Variants in ARHGAP35 observed in about 807,000 individuals in gnomAD.
ARHGAP35 encodes the protein Rho GTPase activating protein 35, also known as rho GTPase-activating protein 35.
Under a neutral mutation model 111.1 loss-of-function variants are expected in ARHGAP35, and 15 were observed. The observed-to-expected ratio is 0.13, with a 90% CI of 0.09 to 0.21. ARHGAP35 has a LOEUF of 0.21. ARHGAP35 is among the 10% of genes least tolerant of loss of function. ARHGAP35 has a pLI of 1.00. For synonymous variants in ARHGAP35, 643 were observed against 710.3 expected, an observed-to-expected ratio of 0.91 and a Z score of 1.51; for missense variants, 1,262 against 1,873.0, an observed-to-expected ratio of 0.67 and a Z score of 6.02.
intron 1 of ARHGAP35, among the ~76,000 whole-genome samples, chr19:46,891,568 A>T (rs1006366264): frequency 2.0e-5 from 3 of 151,926 alleles, no homozygotes; most frequent in East Asian, 1.9e-4. Flanking sequence ...CTGGGACTAC[A>T]GGCTAGCACC....
At chr19:46,915,590 A>G (rs1050777388) in intron 1 of ARHGAP35, among the ~76,000 whole-genome samples, 35 of 152,190 alleles carry the variant, frequency 2.3e-4, no homozygotes, top group African/African-American at 7.5e-4. Flanking sequence ...TTCTTATGCA[A>G]TAGGCTTACA....
intron 2 of ARHGAP35, among the ~76,000 whole-genome samples, chr19:46,935,026 T>A (rs562724081): frequency 6.6e-6 from 1 of 152,328 alleles, no homozygotes; most frequent in South Asian, 2.1e-4. Flanking sequence ...AGACACAGTA[T>A]AGACTCGTTA....
chr19:46,960,599 G>A (rs903744718), intron 3 of ARHGAP35, among the ~76,000 whole-genome samples: 11 of 152,226 alleles, frequency 7.2e-5, no homozygotes, highest in African/African-American at 2.4e-4. Context: ...CAATGAACAC[G>A]TATTTTGTTA....
At chr19:46,891,181 C>T (rs748428338) in intron 1 of ARHGAP35, among the ~76,000 whole-genome samples, 1 of 152,168 alleles carries the variant, frequency 6.6e-6, no homozygotes, top group Non-Finnish European at 1.5e-5. Context: ...CACCCGCCCT[C>T]CAGGACTTCT....
chr19:46,964,728 GGA>G (rs2056503164), intron 3 of ARHGAP35, among the ~76,000 whole-genome samples: 2 of 152,150 alleles, frequency 1.3e-5, no homozygotes, highest in Non-Finnish European at 2.9e-5. Context: ...GTGGCTCATT[GGA>G]GCTTATGGAA....
In ARHGAP35 at chr19:46,994,718, G is replaced by A. The variant is rs540826189; in HGVS notation, c.4037-4586G>A. On this transcript the variant is annotated intron_variant, in intron 5 of 6. Transcript: ENST00000672722. The surrounding 1 kb of genome is among the most constrained non-coding windows in gnomAD (Gnocchi z 5.4). ...CCCCTCTTTCCACTAGACCGTAAGC[G>A]GCAGGGAATTTGGTTTTTGTCCCCT... 1.7e-4 allele frequency among the ~76,000 whole-genome samples: 26 copies of A among 152,248 alleles called. No homozygotes were observed. The highest frequency in any genetic ancestry group is 6.0e-4 in the African/African-American group (25 of 41,536).
intron 3 of ARHGAP35, among the ~76,000 whole-genome samples, chr19:46,968,876 C>G (rs779777299): frequency 6.6e-6 from 1 of 152,092 alleles, no homozygotes; most frequent in African/African-American, 2.4e-5. Flanking sequence ...CATCTCAGGT[C>G]GGGAGTTCAA....
rs1395680901 is a variant in ARHGAP35 at position 46,926,641 on chromosome 19, GACAAA to G, written c.3681+4289_3681+4293del. 6.6e-6 allele frequency among the ~76,000 whole-genome samples: 1 copy of G among 150,952 alleles called. No individual in the cohort carries two copies. Among genetic ancestry groups the G allele is most frequent in the Non-Finnish European group, 1.5e-5 (1 of 67,824 alleles). ...CTTATTTTGGTGCTAAAAAAAAAAA[GACAAA>G]ACAGAATGATAAAGAAAATCTTTCA... is the stretch of plus-strand genomic sequence containing the variant. On this transcript the variant is annotated intron_variant, in intron 2 of 6. Transcript: ENST00000672722. The surrounding 1 kb of genome is among the most constrained non-coding windows in gnomAD (Gnocchi z 4.1).
At chr19:46,930,526 T>C (rs57014433) in intron 2 of ARHGAP35, among the ~76,000 whole-genome samples, 429 of 147,210 alleles carry the variant, frequency 2.9e-3, no homozygotes, top group African/African-American at 0.011. Context: ...CTGTTTTTTA[T>C]TTCCTTTATT....
intron 3 of ARHGAP35, among the ~76,000 whole-genome samples, chr19:46,973,732 A>T (rs1407697194): frequency 6.6e-6 from 1 of 150,686 alleles, no homozygotes; most frequent in Non-Finnish European, 1.5e-5. Flanking sequence ...TTATGTCTGT[A>T]ATCCCAGCAC....
intron 1 of ARHGAP35, among the ~76,000 whole-genome samples, chr19:46,872,525 C>G (rs1157276999): frequency 6.6e-6 from 1 of 151,282 alleles, no homozygotes; most frequent in Non-Finnish European, 1.5e-5. Context: ...ATGGTAAGAT[C>G]TGTTGGACTC....
At chr19:46,916,349 C>CT (rs950197458) in intron 1 of ARHGAP35, among the ~76,000 whole-genome samples, 7 of 140,220 alleles carry the variant, frequency 5.0e-5, no homozygotes, top group South Asian at 2.3e-4. Context: ...ACTGGCAGTG[C>CT]TTTTTTTTGC....
intron 3 of ARHGAP35, among the ~76,000 whole-genome samples, chr19:46,955,630 C>G (rs1187018770): frequency 6.6e-6 from 1 of 152,140 alleles, no homozygotes; most frequent in Non-Finnish European, 1.5e-5. Context: ...TTCCATCACC[C>G]GGGCTGGAGT....
intron 1 of ARHGAP35, among the ~76,000 whole-genome samples, chr19:46,870,788 T>C (rs574460800): frequency 1.3e-5 from 2 of 152,288 alleles, no homozygotes; most frequent in Admixed American, 6.5e-5. Flanking sequence ...TTTGATGTTA[T>C]GTATATACAA....
At position 47,001,154 on chromosome 19, in the gene ARHGAP35, C is replaced by A; in HGVS notation, c.*466C>A. 8.1e-7 allele frequency: 1 copy of A among 1,229,070 alleles called. No individual in the cohort carries two copies. The allele number at this position is 1,229,070 out of a possible 1,614,324, so 76.1% of individuals were successfully genotyped here. On this transcript the variant is annotated 3_prime_UTR_variant, in exon 7 of 7. Coordinates refer to ENST00000672722, the MANE Select transcript of ARHGAP35 (RefSeq NM_004491.5). This position sits in a 1 kb window ranked among gnomAD's most constrained non-coding sequence, Gnocchi z 5.4. The stretch of plus-strand genomic sequence containing the variant: ...CTTCCCACCTTCCATCTGCACACAC[C>A]CCCAAGGTAAGGGTACAGCCCGGCT...
intron 1 of ARHGAP35, among the ~76,000 whole-genome samples, chr19:46,875,460 G>A (rs2055913654): frequency 6.6e-6 from 1 of 152,108 alleles, no homozygotes; most frequent in Admixed American, 6.5e-5. Flanking sequence ...AATAGATGAA[G>A]TCTGTCGCCT....
At chr19:46,957,953 G>C (rs1458567432) in intron 3 of ARHGAP35, among the ~76,000 whole-genome samples, 1 of 152,162 alleles carries the variant, frequency 6.6e-6, no homozygotes, top group Non-Finnish European at 1.5e-5. Context: ...GAGGGAGCTG[G>C]AGTGCAGTGG....
chr19:46,915,270 G>C (rs1366762237), intron 1 of ARHGAP35, among the ~76,000 whole-genome samples: 1 of 152,108 alleles, frequency 6.6e-6, no homozygotes, highest in African/African-American at 2.4e-5. Flanking sequence ...TTTCTTTCCC[G>C]TGGATACCTT....
intron 1 of ARHGAP35, among the ~76,000 whole-genome samples, chr19:46,892,318 A>C (rs1052002996): frequency 1.4e-5 from 2 of 140,936 alleles, no homozygotes; most frequent in Admixed American, 7.1e-5. Context: ...AAAAAAAAAG[A>C]AAAAAAAAAA....
Sources: allele counts gnomAD v4.1 joint callset (sites outside exome capture counted in the v4.1 genomes callset), GRCh38; gene constraint gnomAD v4.1.1; non-coding constraint Gnocchi (gnomAD v3.1); transcripts MANE v1.5; gene names NCBI Gene and HGNC (gene_info 2026-07-23, HGNC 2026-07-21).